RGS3: variants seen among roughly 807,000 people sequenced by gnomAD.
RGS3 encodes the protein regulator of G protein signaling 3, also known as regulator of G-protein signalling 3.
RGS3 carries 80 observed loss-of-function variants against 132.6 expected under a neutral mutation model. The ratio of observed to expected loss-of-function variants is 0.60; its 90% CI spans 0.50 to 0.73. The LOEUF is 0.73. Among genes scored for constraint, RGS3 ranks in the 30% least tolerant of loss-of-function variants. The pLI is 0.00. For synonymous variants in RGS3, 598 were observed against 620.6 expected (o/e 0.96, Z 0.54); for missense variants, 1,382 against 1,530.8 (o/e 0.90, Z 1.62).
chr9:113,594,224 G>T, intron 21 of RGS3: 1 of 1,612,866 alleles, frequency 6.2e-7, no homozygotes, highest in South Asian at 1.1e-5. Flanking sequence ...AGGAGCCAGA[G>T]TGGTGCCTCC....
At chr9:113,521,855 G>A (rs1244435001) in intron 16 of RGS3, among the ~76,000 whole-genome samples, 1 of 152,120 alleles carries the variant, frequency 6.6e-6, no homozygotes, top group Non-Finnish European at 1.5e-5. Context: ...ACACACTCAC[G>A]GTACCCTTCA....
chr9:113,480,255 A>G (rs895354123), intron 4 of RGS3, among the ~76,000 whole-genome samples: 8 of 152,038 alleles, frequency 5.3e-5, no homozygotes, highest in Non-Finnish European at 1.0e-4. Flanking sequence ...TCAGGAGTTC[A>G]AGACCGGCCT....
At chr9:113,583,605 G>T (rs1834935663) in exon 20 of RGS3, 1 of 1,614,026 alleles carries the variant, frequency 6.2e-7, no homozygotes, top group Middle Eastern at 1.6e-4. Context: ...CCCCTTCTGG[G>T]CAGGAACCCG....
intron 10 of RGS3, among the ~76,000 whole-genome samples, chr9:113,499,226 CAA>C (rs57507668): frequency 1.8e-4 from 11 of 60,664 alleles, no homozygotes; most frequent in Non-Finnish European, 2.3e-4. Flanking sequence ...GATTCCATCT[CAA>C]AAAAAAAAAA....
intron 14 of RGS3, among the ~76,000 whole-genome samples, chr9:113,513,409 G>A (rs1403322549): frequency 2.0e-5 from 3 of 152,108 alleles, no homozygotes; most frequent in Non-Finnish European, 2.9e-5. Flanking sequence ...TGGCCAAGCC[G>A]GAGTACCTCC....
rs1221988949 is a variant in RGS3 at position 113,565,697 on chromosome 9, A to C, written c.2038-17753A>C. On this transcript the variant is annotated intron_variant, in intron 19 of 24. Coordinates refer to ENST00000350696, the Ensembl canonical transcript of RGS3. The surrounding 1 kb of genome is among the most constrained non-coding windows in gnomAD (Gnocchi z 5.7). ...GGGCGAGCTGGCAGGAGCGGCAGCC[A>C]GGAGTCGCCTGGGTCCCTGCTGGAG... The C allele has an allele frequency of 1.8e-5, 5 of 275,388 alleles. No homozygotes were observed. Among genetic ancestry groups the C allele is most frequent in the East Asian group, 1.0e-4 (1 of 9,574 alleles). 17.1% of individuals were successfully genotyped at this position (275,388 alleles called of 1,614,324 possible).
rs533063888 is a variant in RGS3, at chr9:113,483,122, G to A, written c.525+5G>A. 1.9e-6 allele frequency: 3 copies of A among 1,599,610 alleles called. No homozygotes were observed. Among genetic ancestry groups the A allele is most frequent in the Admixed American group, 1.7e-5 (1 of 59,922 alleles). ...ACCTGTGATCCGTATGTGAAGGTAT[G>A]TGGTGGGGCCGGAGATGGAGAGTGG... On this transcript the variant is annotated splice_donor_5th_base_variant and intron_variant, in intron 5 of 24. Coordinates refer to ENST00000350696, the Ensembl canonical transcript of RGS3.
intron 19 of RGS3, among the ~76,000 whole-genome samples, chr9:113,566,150 C>T (rs976704592): frequency 7.9e-5 from 12 of 152,096 alleles, no homozygotes; most frequent in Admixed American, 7.2e-4. Flanking sequence ...GATGGAAGCT[C>T]GTGTCTAGTT....
chr9:113,446,957 A>G (rs530559198), intron 1 of RGS3, among the ~76,000 whole-genome samples: 1 of 152,218 alleles, frequency 6.6e-6, no homozygotes, highest in South Asian at 2.1e-4. Context: ...GCCAGATTTC[A>G]TCCTTTAAAA....
At chr9:113,596,239 C>T (rs1043298067) in intron 24 of RGS3, among the ~76,000 whole-genome samples, 2 of 152,192 alleles carry the variant, frequency 1.3e-5, no homozygotes, top group African/African-American at 4.8e-5. Flanking sequence ...GAGGCTGAGG[C>T]AGGATAATCG....
At chr9:113,554,455 G>A (rs980997053) in intron 19 of RGS3, among the ~76,000 whole-genome samples, 2 of 152,170 alleles carry the variant, frequency 1.3e-5, no homozygotes, top group East Asian at 1.9e-4. Flanking sequence ...ACAGGCACAC[G>A]CCATCATACC....
chr9:113,566,123 G>T (rs911467199), intron 19 of RGS3, among the ~76,000 whole-genome samples: 1 of 152,134 alleles, frequency 6.6e-6, no homozygotes, highest in African/African-American at 2.4e-5. Flanking sequence ...GGTGCTGGCC[G>T]CACACCAGGC....
intron 1 of RGS3, among the ~76,000 whole-genome samples, chr9:113,451,292 C>T (rs953855913): frequency 2.0e-5 from 3 of 152,090 alleles, no homozygotes; most frequent in Non-Finnish European, 4.4e-5. Context: ...GAACAACTAA[C>T]TTAGATATGT....
intron 7 of RGS3, among the ~76,000 whole-genome samples, chr9:113,492,951 G>A (rs1460449948): frequency 6.6e-6 from 1 of 152,190 alleles, no homozygotes; most frequent in African/African-American, 2.4e-5. Flanking sequence ...TGAAGATTTC[G>A]CTTAGTGAAG....
At chr9:113,471,575 G>GT (rs1296082362) in intron 3 of RGS3, among the ~76,000 whole-genome samples, 10 of 150,050 alleles carry the variant, frequency 6.7e-5, no homozygotes, top group East Asian at 3.9e-4. Context: ...GTTGGTTTTT[G>GT]TTTTTTTTTC....
chr9:113,594,949 C>T lies in RGS3; in HGVS notation c.3213C>T (p.Gly1071=), dbSNP rs202104828. 61 of 1,614,092 alleles carry T rather than the reference C, an allele frequency of 3.8e-5. No individual in the cohort carries two copies. The East Asian group carries it at 1.0e-3, about 27-fold the overall frequency. The change falls in exon 23 of 25, where the codon GGC becomes GGT. Residue 1071 remains glycine (G), a synonymous_variant. Coordinates refer to ENST00000350696, the Ensembl canonical transcript of RGS3. ...CCTCAGAGGAAGCCCTCAAGTGGGG[C>T]GAGTCCTTGGAGAAGCTGCTGGTTC...
Position 113,549,953 on chromosome 9 carries a change from A to G in RGS3, c.2037+13035A>G, listed in dbSNP as rs148542898. On this transcript the variant is annotated intron_variant, in intron 19 of 24. Coordinates refer to ENST00000350696, the Ensembl canonical transcript of RGS3. ...CCTGAGTTTGAGGTTACAGTGAGCT[A>G]TGATTGCACCACTGCACTCCAGCAG... Among the ~76,000 whole-genome samples, 340 of 152,324 alleles carry G rather than the reference A, an allele frequency of 2.2e-3. 1 individual carries two copies. The highest frequency in any genetic ancestry group is 7.5e-3 in the African/African-American group (310 of 41,584).
chr9:113,464,964 C>T (rs1229866447), intron 3 of RGS3, among the ~76,000 whole-genome samples: 1 of 152,214 alleles, frequency 6.6e-6, no homozygotes, highest in African/African-American at 2.4e-5. Flanking sequence ...GGCTTGGCCT[C>T]TGAAATTGCC....
rs72763849 is a variant in RGS3, at chr9:113,591,993, G to C, written c.3080+596G>C. On this transcript the variant is annotated intron_variant, in intron 21 of 24. Coordinates refer to ENST00000350696, the Ensembl canonical transcript of RGS3. The surrounding 1 kb of genome is among the most constrained non-coding windows in gnomAD (Gnocchi z 4.4). Reference sequence around the variant, plus strand: ...TTCTACCCCCAGGCCTAAGACCCTGGAGACTCGGGGGAGGTATAGGGAGGA... The same window carrying C: ...TTCTACCCCCAGGCCTAAGACCCTGCAGACTCGGGGGAGGTATAGGGAGGA... 11,224 of 153,752 alleles carry C rather than the reference G, an allele frequency of 0.073. 549 individuals carry two copies. Among genetic ancestry groups the C allele is most frequent in the Non-Finnish European group, 0.096 (6,629 of 68,956 alleles). 9.5% of individuals were successfully genotyped at this position (153,752 alleles called of 1,614,324 possible).
Sources: gnomAD v4.1 joint callset for allele counts (sites outside exome capture counted in the v4.1 genomes callset) on GRCh38, gnomAD v4.1.1 for gene constraint, Gnocchi (gnomAD v3.1) non-coding constraint, MANE v1.5 for transcripts, NCBI Gene and HGNC (gene_info 2026-07-23, HGNC 2026-07-21) for gene names.